Variants in SH3GL3 observed in about 807,000 individuals in gnomAD.
The protein encoded by SH3GL3 is endophilin-A3.
Under a neutral mutation model 47.7 loss-of-function variants are expected in SH3GL3, and 33 were observed. That is an observed-to-expected ratio of 0.69 (90% CI 0.52 to 0.92). SH3GL3 has a LOEUF of 0.92. Ranked by LOEUF, SH3GL3 falls within the 40% of genes least tolerant of loss-of-function variation. SH3GL3 has a pLI of 0.00. For missense variants in SH3GL3, 363 were observed against 417.8 expected (o/e 0.87, Z 1.14); for synonymous variants, 155 against 148.8 (o/e 1.04, Z -0.30).
At chr15:83,485,382 A>G (rs1401672932) in intron 1 of SH3GL3, among the ~76,000 whole-genome samples, 1 of 152,148 alleles carries the variant, frequency 6.6e-6, no homozygotes, top group Non-Finnish European at 1.5e-5. Flanking sequence ...GTTCTTTGCG[A>G]TGATTTTTGT....
intron 2 of SH3GL3, among the ~76,000 whole-genome samples, chr15:83,564,840 A>G (rs79891012): frequency 1.5e-3 from 227 of 152,304 alleles, no homozygotes; most frequent in Middle Eastern, 3.4e-3. Context: ...TATATCTAAT[A>G]ATCTAGTGGA....
chr15:83,481,399 G>A (rs1168427325), intron 1 of SH3GL3, among the ~76,000 whole-genome samples: 1 of 152,140 alleles, frequency 6.6e-6, no homozygotes, highest in Non-Finnish European at 1.5e-5. Context: ...ACACTAGGAC[G>A]TTAGGTGGGC....
Position 83,447,410 on chromosome 15 carries a change from G to A in SH3GL3, c.-124G>A, listed in dbSNP as rs939492365. 1.5e-6 allele frequency: 1 copy of A among 667,880 alleles called. No homozygotes were observed. Among genetic ancestry groups the A allele is most frequent in the Admixed American group, 4.6e-5 (1 of 21,674 alleles). The allele number at this position is 667,880 out of a possible 1,614,324, so 41.4% of individuals were successfully genotyped here. A position where few individuals can be genotyped will look rare whatever the true frequency, so the allele number is the denominator to read the frequency against. ...GCTGTGGCTGTGGCCGTGGCCGTGG[G>A]AGGCGGGCCCGGCGGAGCCCAGCCG... On this transcript the variant is annotated 5_prime_UTR_variant, in exon 1 of 9. Coordinates refer to ENST00000427482, the MANE Select transcript of SH3GL3 (RefSeq NM_003027.5). This position sits in a 1 kb window ranked among gnomAD's most constrained non-coding sequence, Gnocchi z 5.1.
intron 1 of SH3GL3, among the ~76,000 whole-genome samples, chr15:83,481,636 T>C (rs562597877): frequency 6.6e-6 from 1 of 152,312 alleles, no homozygotes; most frequent in South Asian, 2.1e-4. Context: ...AAGAGCACAG[T>C]GGTGCATTAT....
chr15:83,494,844 G>A (rs557449580), intron 1 of SH3GL3, among the ~76,000 whole-genome samples: 5 of 151,846 alleles, frequency 3.3e-5, no homozygotes, highest in South Asian at 2.1e-4. Flanking sequence ...GCACCTGGCC[G>A]CTTTTTGTTT....
Position 83,456,603 on chromosome 15 carries a change from CG to C in SH3GL3, c.45+9027del, listed in dbSNP as rs1377313254. On this transcript the variant is annotated intron_variant, in intron 1 of 8. Coordinates refer to ENST00000427482, the MANE Select transcript of SH3GL3 (RefSeq NM_003027.5). ...GCGTCCGTCACCCCTTTCTTTGACT[CG>C]GAAAGGGAACTCCCTGACCCCTTGC... 1.2e-3 allele frequency among the ~76,000 whole-genome samples: 152 copies of C among 127,698 alleles called. 1 individual carries two copies. Among genetic ancestry groups the C allele is most frequent in the African/African-American group, 4.5e-3 (151 of 33,474 alleles). The allele number at this position is 127,698 out of a possible 152,430, so 83.8% of individuals were successfully genotyped here.
chr15:83,600,086 A>G (rs1387092491), intron 8 of SH3GL3, among the ~76,000 whole-genome samples: 1 of 151,848 alleles, frequency 6.6e-6, no homozygotes, highest in East Asian at 1.9e-4. Flanking sequence ...TAGATTCTGG[A>G]TATTAGTCCT....
At chr15:83,538,246 G>C (rs577440812) in intron 1 of SH3GL3, among the ~76,000 whole-genome samples, 1 of 152,186 alleles carries the variant, frequency 6.6e-6, no homozygotes, top group Non-Finnish European at 1.5e-5. Flanking sequence ...AGATAGGGAC[G>C]AAGTGGTCCA....
intron 1 of SH3GL3, chr15:83,490,687 G>A: frequency 3.0e-6 from 4 of 1,348,852 alleles, no homozygotes; most frequent in Non-Finnish European, 4.0e-6. Context: ...GCACATCAGG[G>A]AAAACAGACC....
chr15:83,561,261 C>T (rs2045256109), intron 2 of SH3GL3, among the ~76,000 whole-genome samples: 1 of 151,792 alleles, frequency 6.6e-6, no homozygotes, highest in Non-Finnish European at 1.5e-5. Flanking sequence ...ATAAATTTCC[C>T]AAAGTGATTC....
intron 1 of SH3GL3, among the ~76,000 whole-genome samples, chr15:83,544,229 G>C (rs534981779): frequency 6.6e-6 from 1 of 151,930 alleles, no homozygotes; most frequent in Non-Finnish European, 1.5e-5. Flanking sequence ...TTTGTTTCAA[G>C]GAATTTTAAA....
At chr15:83,463,754 G>GCTTT (rs1233590511) in intron 1 of SH3GL3, among the ~76,000 whole-genome samples, 3 of 109,500 alleles carry the variant, frequency 2.7e-5, no homozygotes, top group East Asian at 2.6e-4. Flanking sequence ...TCCCATGTCT[G>GCTTT]CTTTCTTTCT....
At chr15:83,528,305 G>C (rs1315691288) in intron 1 of SH3GL3, among the ~76,000 whole-genome samples, 1 of 152,266 alleles carries the variant, frequency 6.6e-6, no homozygotes, top group East Asian at 1.9e-4. Flanking sequence ...TCTATTTGGG[G>C]ATCTCTGAGA....
chr15:83,480,303 T>C (rs148848315), intron 1 of SH3GL3, among the ~76,000 whole-genome samples: 2 of 152,336 alleles, frequency 1.3e-5, no homozygotes, highest in Non-Finnish European at 2.9e-5. Context: ...ATGGCAAAAC[T>C]CAGTTTTTAT....
In SH3GL3 at chr15:83,542,763, A is replaced by T. The variant is rs552131729; in HGVS notation, c.46-16490A>T. Among the ~76,000 whole-genome samples, 157 of 152,052 alleles carry T rather than the reference A, an allele frequency of 1.0e-3. 1 individual carries two copies. The highest frequency in any genetic ancestry group is 3.7e-3 in the African/African-American group (152 of 41,530). On this transcript the variant is annotated intron_variant, in intron 1 of 8. Transcript: ENST00000427482. Reference sequence around the variant, plus strand: ...TTTACTTTATTGATTTCTTTTTCAGATTGTTTTTTGTGGACATATAGACAT... The same window carrying T: ...TTTACTTTATTGATTTCTTTTTCAGTTTGTTTTTTGTGGACATATAGACAT...
At chr15:83,501,352 C>G (rs1333844676) in intron 1 of SH3GL3, among the ~76,000 whole-genome samples, 1 of 148,648 alleles carries the variant, frequency 6.7e-6, no homozygotes, top group African/African-American at 2.4e-5. Context: ...ATGATTAGTA[C>G]ATCATAAAAG....
At chr15:83,614,697 C>T (rs1486539652) in intron 8 of SH3GL3, among the ~76,000 whole-genome samples, 1 of 152,176 alleles carries the variant, frequency 6.6e-6, no homozygotes, top group Non-Finnish European at 1.5e-5. Context: ...CAGGAAGCCA[C>T]CTTGGTACAA....
At chr15:83,567,001 A>G (rs1013455296) in intron 3 of SH3GL3, among the ~76,000 whole-genome samples, 1 of 152,194 alleles carries the variant, frequency 6.6e-6, no homozygotes, top group Non-Finnish European at 1.5e-5. Flanking sequence ...ATAGTACAAA[A>G]TTATTAAAGT....
chr15:83,617,751 G>T (rs1244245778), intron 8 of SH3GL3, among the ~76,000 whole-genome samples: 1 of 152,222 alleles, frequency 6.6e-6, no homozygotes, highest in African/African-American at 2.4e-5. Context: ...AGCTCCCAGA[G>T]AGAAGGAGGT....
Sources: gnomAD v4.1 joint callset for allele counts (sites outside exome capture counted in the v4.1 genomes callset) on GRCh38, gnomAD v4.1.1 for gene constraint, Gnocchi (gnomAD v3.1) non-coding constraint, MANE v1.5 for transcripts, NCBI Gene and HGNC (gene_info 2026-07-23, HGNC 2026-07-21) for gene names.